The following METTL16 variants were observed in gnomAD, a reference collection of about 807,000 sequenced individuals.
METTL16 encodes methyltransferase 16, RNA N6-adenosine, also known as RNA N(6)-adenosine-methyltransferase METTL16.
METTL16 carries 19 observed loss-of-function variants against 57.9 expected under a neutral mutation model. The ratio of observed to expected loss-of-function variants is 0.33; its 90% CI spans 0.23 to 0.48. METTL16 has a LOEUF of 0.48. Ranked by LOEUF, METTL16 falls within the 20% of genes least tolerant of loss-of-function variation. The probability of loss-of-function intolerance (pLI) is 0.99; values close to 1 mark genes in which losing one functional copy is unlikely to be tolerated. For missense variants in METTL16, 434 were observed against 691.5 expected (o/e 0.63, Z 4.18); for synonymous variants, 246 against 255.6 (o/e 0.96, Z 0.36).
At chr17:2,457,994 C>T (rs916804361) in intron 6 of METTL16, among the ~76,000 whole-genome samples, 5 of 152,080 alleles carry the variant, frequency 3.3e-5, no homozygotes, top group Admixed American at 2.6e-4. Context: ...ATTCTTCCAC[C>T]TTGGCCTACT....
chr17:2,500,635 C>CA (rs1404772788), intron 2 of METTL16, among the ~76,000 whole-genome samples: 1 of 152,138 alleles, frequency 6.6e-6, no homozygotes, highest in East Asian at 1.9e-4. Context: ...TCTTCCTTCC[C>CA]ATAGCTGAAT....
At chr17:2,426,230 G>GT (rs543442822) in intron 8 of METTL16, among the ~76,000 whole-genome samples, 51 of 152,168 alleles carry the variant, frequency 3.4e-4, no homozygotes, top group Non-Finnish European at 5.4e-4. Context: ...GTGGCCGTCT[G>GT]TTTTTTAAAA....
At chr17:2,463,426 T>C (rs1301658603) in intron 6 of METTL16, among the ~76,000 whole-genome samples, 5 of 152,180 alleles carry the variant, frequency 3.3e-5, no homozygotes, top group Admixed American at 6.6e-5. Context: ...TCTTCGCAGA[T>C]TGTAGGAGCC....
intron 2 of METTL16, among the ~76,000 whole-genome samples, chr17:2,479,330 C>CTTTTTT (rs34609847): frequency 9.5e-6 from 1 of 105,606 alleles, no homozygotes; most frequent in Admixed American, 1.0e-4. Context: ...CCACACTAAG[C>CTTTTTT]TTTTTTTTTT....
chr17:2,431,291 A>G (rs1025400115), intron 8 of METTL16, among the ~76,000 whole-genome samples: 9 of 152,132 alleles, frequency 5.9e-5, no homozygotes, highest in Non-Finnish European at 1.0e-4. Flanking sequence ...TATTGTTGTG[A>G]AGGCAGGTTC....
intron 2 of METTL16, among the ~76,000 whole-genome samples, chr17:2,481,063 G>A (rs2067302253): frequency 6.6e-6 from 1 of 152,010 alleles, no homozygotes; most frequent in Non-Finnish European, 1.5e-5. Flanking sequence ...AATTAGCCAA[G>A]CATAGTGGCA....
chr17:2,508,415 C>G (rs1047682524), intron 1 of METTL16, among the ~76,000 whole-genome samples: 1 of 152,144 alleles, frequency 6.6e-6, no homozygotes, highest in South Asian at 2.1e-4. Flanking sequence ...CTTCTACCCA[C>G]CCCAAACTGG....
intron 2 of METTL16, among the ~76,000 whole-genome samples, chr17:2,493,146 T>TTTTG (rs1482570514): frequency 6.7e-6 from 1 of 149,528 alleles, no homozygotes; most frequent in African/African-American, 2.4e-5. Context: ...TTTTTTTTTT[T>TTTTG]GAGACAATTT....
At chr17:2,445,103 G>C (rs1307605434) in intron 6 of METTL16, among the ~76,000 whole-genome samples, 1 of 152,052 alleles carries the variant, frequency 6.6e-6, no homozygotes, top group Non-Finnish European at 1.5e-5. Flanking sequence ...ACCCACCTTG[G>C]CCTCCCAAAG....
chr17:2,462,066 C>CA (rs2151562400), intron 6 of METTL16, among the ~76,000 whole-genome samples: 1 of 152,272 alleles, frequency 6.6e-6, no homozygotes, highest in East Asian at 1.9e-4. Flanking sequence ...GCATTATTCA[C>CA]AATAGCCAAA....
At chr17:2,505,643 C>T (rs758540511) in intron 1 of METTL16, among the ~76,000 whole-genome samples, 2 of 151,992 alleles carry the variant, frequency 1.3e-5, no homozygotes, top group Non-Finnish European at 2.9e-5. Flanking sequence ...CCTCCCACCT[C>T]GGGCTCCCAA....
intron 6 of METTL16, among the ~76,000 whole-genome samples, chr17:2,457,512 AG>A (rs2067120242): frequency 6.6e-6 from 1 of 152,058 alleles, no homozygotes; most frequent in African/African-American, 2.4e-5. Context: ...TTTTGAGACC[AG>A]CCTGGCCAAC....
chr17:2,447,756 G>C (rs1259141323), intron 6 of METTL16, among the ~76,000 whole-genome samples: 6 of 135,834 alleles, frequency 4.4e-5, no homozygotes, highest in Non-Finnish European at 4.8e-5. Context: ...AGGGAGGTGG[G>C]GGGATCAGCC....
In METTL16 at chr17:2,493,374, C is replaced by G. The variant is rs1037372621; in HGVS notation, c.128+8830G>C. Among the ~76,000 whole-genome samples the G allele has an allele frequency of 5.3e-5, 8 of 151,482 alleles. No individual in the cohort carries two copies. In the Middle Eastern group the frequency reaches 0.017, roughly 322 times the overall value. On this transcript the variant is annotated intron_variant, in intron 2 of 9. Transcript: ENST00000263092. ...AAAGTGCTGGAATTACAGGCAGCCA[C>G]CACACCCAGCCCAGTAATTCTTCTT...
Position 2,419,462 on chromosome 17 carries a change from A to G in METTL16, c.*508T>C. The G allele has an allele frequency of 3.0e-6, 1 of 337,834 alleles. No individual in the cohort carries two copies. Among genetic ancestry groups the G allele is most frequent in the Non-Finnish European group, 5.9e-6 (1 of 169,894 alleles). 20.9% of individuals were successfully genotyped at this position (337,834 alleles called of 1,614,324 possible). On this transcript the variant is annotated 3_prime_UTR_variant, in exon 10 of 10. Coordinates refer to ENST00000263092, the MANE Select transcript of METTL16 (RefSeq NM_024086.4). ...AGGTTTCTCTCCCAGATTCCCCACC[A>G]CCCACCATACAGCTCCCTTTGTGGG...
rs1426386092 is a variant in METTL16, at chr17:2,420,261, T to G, written c.1398A>C (p.Glu466Asp). Residue 466 changes from glutamate to aspartate, a missense_variant, in exon 10 of 10, where the codon GAA becomes GAC. Physicochemically the swap from Glu to Asp is conservative, Grantham distance 45 (BLOSUM62 2). Transcript: ENST00000263092. This position sits in a 1 kb window ranked among gnomAD's most constrained non-coding sequence, Gnocchi z 5.4. ...QEENPEPTED[E>D]RSEEKGGVEV... Reference sequence around the variant, plus strand: ...CCACCCCTCCCTTTTCCTCACTCCTTTCATCCTCCGTGGGTTCCGGGTTTT... The same window carrying G: ...CCACCCCTCCCTTTTCCTCACTCCTGTCATCCTCCGTGGGTTCCGGGTTTT... The G allele has an allele frequency of 6.2e-7, 1 of 1,614,096 alleles. No homozygotes were observed. Among genetic ancestry groups the G allele is most frequent in the East Asian group, 2.2e-5 (1 of 44,886 alleles).
chr17:2,428,602 T>TTA (rs1555615222), intron 8 of METTL16, among the ~76,000 whole-genome samples: 3 of 94,994 alleles, frequency 3.2e-5, no homozygotes, highest in Non-Finnish European at 5.7e-5. Context: ...TATATATATA[T>TTA]AAATTGTAAT....
intron 7 of METTL16, among the ~76,000 whole-genome samples, chr17:2,440,970 C>CAAAAAAAAAAAAAAAAAAAAAAAAAA (rs760521188): frequency 5.9e-5 from 2 of 34,044 alleles, no homozygotes; most frequent in South Asian, 1.2e-3. Flanking sequence ...GACTTGATCT[C>CAAAAAAAAAAAAAAAAAAAAAAAAAA]AAAAAAAAAA....
In METTL16 at chr17:2,477,754, T is replaced by C. The variant is rs1483374563; in HGVS notation, c.260A>G (p.His87Arg). 6.2e-7 allele frequency: 1 copy of C among 1,613,852 alleles called. No individual in the cohort carries two copies. Among genetic ancestry groups the C allele is most frequent in the Non-Finnish European group, 8.5e-7 (1 of 1,179,882 alleles). The change falls in exon 3 of 10, where the codon CAC becomes CGC. Residue 87 changes from histidine (H) to arginine (R), a missense_variant. This residue lies in a region of METTL16 where 118 missense variants were observed against 280.0 expected (regional missense o/e 0.42). Coordinates refer to ENST00000263092, the MANE Select transcript of METTL16 (RefSeq NM_024086.4). Reference sequence around the variant, plus strand: ...GTGACCGATCAGATCTTCTACCCAGTGAATATAGTTGAGTCTCAAGGGAAC... The same window carrying C: ...GTGACCGATCAGATCTTCTACCCAGCGAATATAGTTGAGTCTCAAGGGAAC... ...PTVPLRLNYI[H>R]WVEDLIGHQD...
Sources: allele counts gnomAD v4.1 joint callset (sites outside exome capture counted in the v4.1 genomes callset), GRCh38; gene constraint gnomAD v4.1.1; regional missense constraint gnomAD v4.1.1; non-coding constraint Gnocchi (gnomAD v3.1); transcripts MANE v1.5; gene names NCBI Gene and HGNC (gene_info 2026-07-23, HGNC 2026-07-21).